Variants in RNPC3 observed in about 807,000 individuals in gnomAD.
RNPC3 encodes RNA-binding region-containing protein 3.
In RNPC3, 48 loss-of-function variants were observed where a neutral mutation model predicts 67.5. The observed-to-expected ratio is 0.71, with a 90% confidence interval of 0.56 to 0.90. The LOEUF is 0.90. RNPC3 is among the 40% of genes least tolerant of loss of function. The probability of loss-of-function intolerance (pLI) is 0.00; values close to 1 mark genes in which losing one functional copy is unlikely to be tolerated. For synonymous variants in RNPC3, 239 were observed against 210.3 expected, an observed-to-expected ratio of 1.14 and a Z score of -1.18; for missense variants, 637 against 626.1, an observed-to-expected ratio of 1.02 and a Z score of -0.19.
chr1:103,550,611 A>C (rs1356249121), intron 12 of RNPC3, among the ~76,000 whole-genome samples: 2 of 146,636 alleles, frequency 1.4e-5, no homozygotes, highest in Non-Finnish European at 3.0e-5. Flanking sequence ...ACTGCACTCC[A>C]GCCTGGGTGA....
chr1:103,531,782 TTGTC>T (rs1359255491), intron 2 of RNPC3, among the ~76,000 whole-genome samples: 1 of 152,066 alleles, frequency 6.6e-6, no homozygotes, highest in Admixed American at 6.6e-5. Flanking sequence ...CCGCTATGGG[TTGTC>T]TGTTTGTTGA....
In RNPC3 at chr1:103,545,239, A is replaced by G. The variant is rs1305471891; in HGVS notation, c.1207+137A>G. The stretch of plus-strand genomic sequence containing the variant: ...AACATCTCTCCAATTAATGTTTGTA[A>G]TCACTTCTTCTGTTTTTTTTAAATA... On this transcript the variant is annotated intron_variant, in intron 10 of 14. Coordinates refer to ENST00000423855, the MANE Select transcript of RNPC3 (RefSeq NM_017619.4). 7.6e-6 allele frequency: 5 copies of G among 657,634 alleles called. No homozygotes were observed. The East Asian group carries it at 1.3e-4, about 17-fold the overall frequency. 40.7% of individuals were successfully genotyped at this position (657,634 alleles called of 1,614,324 possible).
At chr1:103,544,802 C>T (rs1651204981) in intron 9 of RNPC3, 139 bp from the exon 10 acceptor site, 3 of 479,430 alleles carry the variant, frequency 6.3e-6, no homozygotes, top group Non-Finnish European at 1.0e-5. Context: ...TTGTGTATGC[C>T]TCTTTTAGTA....
intron 2 of RNPC3, among the ~76,000 whole-genome samples, chr1:103,530,859 A>C (rs1650831876): frequency 6.6e-6 from 1 of 152,150 alleles, no homozygotes. Context: ...TATTTATTCC[A>C]GTAGGTTTTG....
chr1:103,526,342 A>G lies in RNPC3; in HGVS notation c.192+80A>G. ...GAGGGGGAGCGCTGACAAGAGTAAA[A>G]TGGAAACGAGTGGGGAAGATGGACT... On this transcript the variant is annotated intron_variant, in intron 1 of 14. Coordinates refer to ENST00000423855, the MANE Select transcript of RNPC3 (RefSeq NM_017619.4). 5 of 1,237,406 alleles carry G rather than the reference A, an allele frequency of 4.0e-6. No individual in the cohort carries two copies. The South Asian group carries it at 7.7e-5, about 19-fold the overall frequency. The allele number at this position is 1,237,406 out of a possible 1,614,324, so 76.7% of individuals were successfully genotyped here. A position where few individuals can be genotyped will look rare whatever the true frequency, so the allele number is the denominator to read the frequency against.
At chr1:103,547,696 C>CA (rs1354760182) in intron 12 of RNPC3, among the ~76,000 whole-genome samples, 1 of 152,146 alleles carries the variant, frequency 6.6e-6, no homozygotes, top group Non-Finnish European at 1.5e-5. Context: ...CTGCATTGAG[C>CA]AAGGCTTCCA....
In RNPC3 at chr1:103,525,911, G is replaced by A; in HGVS notation, c.-160G>A. On this transcript the variant is annotated 5_prime_UTR_variant, in exon 1 of 15. Transcript: ENST00000423855. ...CTTCGAAGGGTTGCCGCTTTTCGGTGGCGCAGTTCTCGCGAGAAGGTGACT... is the reference window on the plus strand; with the variant it reads ...CTTCGAAGGGTTGCCGCTTTTCGGTAGCGCAGTTCTCGCGAGAAGGTGACT... 1.6e-6 allele frequency: 1 copy of A among 622,398 alleles called. No individual in the cohort carries two copies. Among genetic ancestry groups the A allele is most frequent in the South Asian group, 2.1e-5 (1 of 48,606 alleles). The allele number at this position is 622,398 out of a possible 1,614,324, so 38.6% of individuals were successfully genotyped here.
intron 3 of RNPC3, 40 bp downstream of exon 3, chr1:103,533,897 T>A: frequency 9.5e-7 from 1 of 1,057,864 alleles, no homozygotes; most frequent in Non-Finnish European, 1.4e-6. Context: ...GTTACATTTT[T>A]AAAGTGTGTG....
chr1:103,551,355 A>C, intron 13 of RNPC3: 1 of 385,966 alleles, frequency 2.6e-6, no homozygotes, highest in Non-Finnish European at 4.6e-6. Context: ...TAGAGTATCC[A>C]GAAGTACATT....
At chr1:103,548,949 C>T (rs1439920741) in intron 12 of RNPC3, among the ~76,000 whole-genome samples, 5 of 152,132 alleles carry the variant, frequency 3.3e-5, no homozygotes, top group African/African-American at 9.7e-5. Flanking sequence ...AGAGAGAGCT[C>T]GTGCGGGCAA....
rs1425561779 is a variant in RNPC3 at position 103,535,442 on chromosome 1, G to T, written c.555+1G>T. On this transcript the variant is annotated splice_donor_variant, in intron 5 of 14. Transcript: ENST00000423855. LOFTEE classifies it high-confidence loss of function. ...AAGCGTGCCTAAGTTCTATGTACAG[G>T]TAAGTAGAATAAAACTTTTCCTAAA... is the stretch of plus-strand genomic sequence containing the variant. 1 of 1,516,642 alleles carries T rather than the reference G, an allele frequency of 6.6e-7. No homozygotes were observed. The highest frequency in any genetic ancestry group is 1.4e-5 in the African/African-American group (1 of 72,464). The allele number at this position is 1,516,642 out of a possible 1,614,324, so 93.9% of individuals were successfully genotyped here. A position where few individuals can be genotyped will look rare whatever the true frequency, so the allele number is the denominator to read the frequency against.
intron 12 of RNPC3, among the ~76,000 whole-genome samples, chr1:103,550,549 G>T (rs1315990895): frequency 6.6e-6 from 1 of 151,240 alleles, no homozygotes; most frequent in East Asian, 2.0e-4. Context: ...GCTGAGGTAG[G>T]AGAATGGCGT....
At chr1:103,553,438 T>C (rs957337143) in intron 14 of RNPC3, 16 of 152,210 alleles carry the variant, frequency 1.1e-4, no homozygotes, top group African/African-American at 3.9e-4. Flanking sequence ...TTTATTCAAA[T>C]GAAATATTTC....
chr1:103,542,564 C>T (rs867138693), intron 8 of RNPC3, among the ~76,000 whole-genome samples: 6 of 151,776 alleles, frequency 4.0e-5, no homozygotes, highest in Admixed American at 6.6e-5. Context: ...AGGGTCAGAC[C>T]GTAGTTATCC....
chr1:103,527,643 G>T (rs1030732745), intron 1 of RNPC3, 52 bp from the exon 2 acceptor site: 67 of 1,369,726 alleles, frequency 4.9e-5, no homozygotes, highest in Non-Finnish European at 6.5e-5. Flanking sequence ...AGATTTCTTT[G>T]TGAGAAACTG....
At chr1:103,546,868 T>TGGTA (rs1375512806) in intron 11 of RNPC3, 109 bp from the exon 12 acceptor site, 10 of 569,922 alleles carry the variant, frequency 1.8e-5, no homozygotes, top group Non-Finnish European at 3.0e-5. Flanking sequence ...GATTAAAGCC[T>TGGTA]ACCTTAGTCC....
intron 2 of RNPC3, among the ~76,000 whole-genome samples, chr1:103,528,852 T>C (rs1415343760): frequency 1.3e-5 from 2 of 152,136 alleles, no homozygotes; most frequent in Admixed American, 6.6e-5. Flanking sequence ...GAAGTGTGTT[T>C]TAAGAAGATG....
At chr1:103,546,458 C>T (rs1651246552) in intron 11 of RNPC3, 116 bp downstream of exon 11, 1 of 482,988 alleles carries the variant, frequency 2.1e-6, no homozygotes, top group South Asian at 3.5e-5. Context: ...TACTGTGCTT[C>T]AGGGCATGAC....
chr1:103,528,330 G>C (rs1650765106), intron 2 of RNPC3, among the ~76,000 whole-genome samples: 1 of 152,184 alleles, frequency 6.6e-6, no homozygotes, highest in African/African-American at 2.4e-5. Context: ...GATCAGGCCT[G>C]TTAAAGATAT....
Sources: gnomAD v4.1 joint callset for allele counts (sites outside exome capture counted in the v4.1 genomes callset) on GRCh38, gnomAD v4.1.1 for gene constraint, MANE v1.5 for transcripts, NCBI Gene and HGNC (gene_info 2026-07-23, HGNC 2026-07-21) for gene names.